NAV3: variants seen among roughly 807,000 people sequenced by gnomAD.
NAV3 encodes pore membrane and/or filament interacting like protein 1.
A neutral mutation model predicts 244.7 loss-of-function variants in NAV3; 87 were observed. That is an observed-to-expected ratio of 0.36 (90% CI 0.30 to 0.42). NAV3 has a LOEUF of 0.42. NAV3 is among the 20% of genes least tolerant of loss of function. NAV3 has a pLI of 1.00. For missense variants in NAV3, 2,663 were observed against 2,893.3 expected (o/e 0.92, Z 1.83); for synonymous variants, 1,126 against 1,042.2 (o/e 1.08, Z -1.55).
chr12:77,766,734 AGTTTTTTTT>A (rs1314819645), intron 2 of NAV3, among the ~76,000 whole-genome samples: 4 of 53,344 alleles, frequency 7.5e-5, no homozygotes, highest in African/African-American at 2.1e-4. Context: ...CAGGCAATTA[AGTTTTTTTT>A]TTTTTTTTTT....
intron 3 of NAV3, among the ~76,000 whole-genome samples, chr12:77,947,860 G>A (rs571588616): frequency 4.1e-4 from 62 of 152,118 alleles, no homozygotes; most frequent in African/African-American, 1.5e-3. Flanking sequence ...CCACACACTA[G>A]TCAAGTTCAA....
intron 2 of NAV3, among the ~76,000 whole-genome samples, chr12:77,659,883 C>G (rs1056288211): frequency 7.3e-5 from 11 of 149,972 alleles, no homozygotes; most frequent in Admixed American, 6.1e-4. Context: ...ACAGCATGTT[C>G]TCACTCATAG....
intron 1 of NAV3, among the ~76,000 whole-genome samples, chr12:77,933,182 T>C (rs1888983248): frequency 6.6e-6 from 1 of 152,188 alleles, no homozygotes; most frequent in Non-Finnish European, 1.5e-5. Context: ...AATTACTTGA[T>C]CAGATTTGCA....
chr12:77,843,517 AT>A (rs1876075337), intron 1 of NAV3, among the ~76,000 whole-genome samples: 1 of 150,104 alleles, frequency 6.7e-6, no homozygotes, highest in Non-Finnish European at 1.5e-5. Flanking sequence ...TGAATATTAA[AT>A]TCCTATTTTT....
intron 2 of NAV3, among the ~76,000 whole-genome samples, chr12:77,803,834 A>G (rs1871836499): frequency 6.6e-6 from 1 of 152,146 alleles, no homozygotes; most frequent in African/African-American, 2.4e-5. Context: ...CTGGCCTGAG[A>G]TGGTATCTCA....
chr12:77,747,595 G>T (rs572103602), intron 2 of NAV3, among the ~76,000 whole-genome samples: 4 of 152,140 alleles, frequency 2.6e-5, no homozygotes, highest in Non-Finnish European at 4.4e-5. Context: ...CATGTTTATT[G>T]TGGCACTATT....
At chr12:78,063,625 T>C (rs1454334838) in intron 12 of NAV3, among the ~76,000 whole-genome samples, 1 of 152,148 alleles carries the variant, frequency 6.6e-6, no homozygotes, top group African/African-American at 2.4e-5. Flanking sequence ...CCCCTCTTAA[T>C]AGATGTCTAT....
At chr12:78,185,781 C>A in intron 31 of NAV3, 83 bp downstream of exon 31, 1 of 1,154,996 alleles carries the variant, frequency 8.7e-7, no homozygotes, top group Non-Finnish European at 1.3e-6. Context: ...AATATTTGAT[C>A]TGGTAAATAT....
At chr12:77,963,392 A>G (rs1446177256) in intron 3 of NAV3, among the ~76,000 whole-genome samples, 2 of 152,168 alleles carry the variant, frequency 1.3e-5, no homozygotes, top group East Asian at 3.9e-4. Context: ...ATTTAACAAG[A>G]TATCTTAAAA....
At chr12:77,982,666 C>T (rs1308734416) in intron 5 of NAV3, among the ~76,000 whole-genome samples, 2 of 152,128 alleles carry the variant, frequency 1.3e-5, no homozygotes, top group Non-Finnish European at 2.9e-5. Context: ...TTTTACGATG[C>T]TCATGGATTT....
chr12:77,760,022 T>C (rs1869385947), intron 2 of NAV3, among the ~76,000 whole-genome samples: 1 of 152,212 alleles, frequency 6.6e-6, no homozygotes, highest in African/African-American at 2.4e-5. Flanking sequence ...TCTGAGGGAA[T>C]TGGAATCTTC....
Position 78,050,816 on chromosome 12 carries a change from A to G in NAV3, c.2185A>G (p.Thr729Ala), listed in dbSNP as rs2137246526. Reference sequence around the variant, plus strand: ...TGTGACAACAGAAGTTAATGGAAGGACCATACCCAACTTGACAAGTCGACC... The same window carrying G: ...TGTGACAACAGAAGTTAATGGAAGGGCCATACCCAACTTGACAAGTCGACC... ...STVTTEVNGR[T>A]IPNLTSRPTP... The change falls in exon 11 of 40, where the codon ACC becomes GCC. Residue 729 changes from threonine (T) to alanine (A), a missense_variant. Thr to Ala is a moderately conservative substitution (Grantham distance 58). Around this residue, in one of 6 missense-constraint regions of NAV3, gnomAD observed 1,521 missense variants for 1,497.0 expected, o/e 1.02. Coordinates refer to ENST00000397909, the MANE Select transcript of NAV3 (RefSeq NM_001024383.2). 1 of 1,613,314 alleles carries G rather than the reference A, an allele frequency of 6.2e-7. No individual in the cohort carries two copies. The highest frequency in any genetic ancestry group is 8.5e-7 in the Non-Finnish European group (1 of 1,179,442).
chr12:78,058,510 TG>T (rs1427462123), intron 11 of NAV3, among the ~76,000 whole-genome samples: 6 of 151,932 alleles, frequency 3.9e-5, no homozygotes, highest in Admixed American at 1.3e-4. Flanking sequence ...CACAGCTAGT[TG>T]TGACAGTGCA....
chr12:77,861,420 A>G (rs1347472959), intron 1 of NAV3, among the ~76,000 whole-genome samples: 5 of 152,006 alleles, frequency 3.3e-5, no homozygotes, highest in African/African-American at 9.6e-5. Context: ...AAATGCTAAG[A>G]AATCTGGAAT....
chr12:77,589,424 G>A (rs921264676), intron 2 of NAV3, among the ~76,000 whole-genome samples: 30 of 152,202 alleles, frequency 2.0e-4, no homozygotes, highest in Admixed American at 7.8e-4. Flanking sequence ...CTGCTATAAG[G>A]ACATACCTAA....
chr12:77,775,710 C>T (rs549033043), intron 2 of NAV3: 1 of 152,302 alleles, frequency 6.6e-6, no homozygotes, highest in East Asian at 1.9e-4. Context: ...GTTCTTCTCA[C>T]AATGACGTTG....
At chr12:78,078,005 T>C (rs1566100715) in intron 12 of NAV3, among the ~76,000 whole-genome samples, 1 of 152,160 alleles carries the variant, frequency 6.6e-6, no homozygotes, top group Non-Finnish European at 1.5e-5. Context: ...ATCCATGCTT[T>C]GGTAGGCTTG....
At chr12:78,084,355 A>C (rs757047870) in intron 12 of NAV3, among the ~76,000 whole-genome samples, 4 of 152,104 alleles carry the variant, frequency 2.6e-5, no homozygotes, top group Non-Finnish European at 4.4e-5. Flanking sequence ...TCAGTTAAAT[A>C]TCCAAGGCTA....
chr12:77,745,432 C>A (rs1334954677), intron 2 of NAV3, among the ~76,000 whole-genome samples: 12 of 151,904 alleles, frequency 7.9e-5, no homozygotes, highest in Admixed American at 6.6e-4. Flanking sequence ...TGGGGGTAAG[C>A]AATGAACACA....
Sources: allele counts gnomAD v4.1 joint callset (sites outside exome capture counted in the v4.1 genomes callset), GRCh38; gene constraint gnomAD v4.1.1; regional missense constraint gnomAD v4.1.1; transcripts MANE v1.5; gene names NCBI Gene and HGNC (gene_info 2026-07-23, HGNC 2026-07-21).